The following MLLT1 variants were observed in gnomAD, a reference collection of about 807,000 sequenced individuals.
The protein encoded by MLLT1 is protein ENL.
A neutral mutation model predicts 55.1 loss-of-function variants in MLLT1; 11 were observed. The ratio of observed to expected loss-of-function variants is 0.20; its 90% CI spans 0.13 to 0.33. The LOEUF is 0.33. MLLT1 is among the 10% of genes least tolerant of loss of function. MLLT1 has a pLI of 1.00. For synonymous variants in MLLT1, 323 were observed against 320.1 expected, an observed-to-expected ratio of 1.01 and a Z score of -0.10; for missense variants, 536 against 760.6, an observed-to-expected ratio of 0.70 and a Z score of 3.47.
chr19:6,276,276 C>T (rs1011951374), intron 1 of MLLT1, among the ~76,000 whole-genome samples: 3 of 152,102 alleles, frequency 2.0e-5, no homozygotes, highest in Admixed American at 6.5e-5. Flanking sequence ...CTGGGTAATT[C>T]GGAGCTTTTC....
Position 6,230,500 on chromosome 19 carries a change from G to A in MLLT1, c.420+70C>T. 1 of 1,581,208 alleles carries A rather than the reference G, an allele frequency of 6.3e-7. No homozygotes were observed. The highest frequency in any genetic ancestry group is 1.7e-5 in the Admixed American group (1 of 57,476). On this transcript the variant is annotated intron_variant, in intron 4 of 11. Coordinates refer to ENST00000252674, the MANE Select transcript of MLLT1 (RefSeq NM_005934.4). This position sits in a 1 kb window ranked among gnomAD's most constrained non-coding sequence, Gnocchi z 9.0. ...CCCCAGCACCGACACCTCTGGCTGG[G>A]CACAGACGGCCGCAGCAAAGTAGCC...
rs139770948 is a variant in MLLT1 at position 6,211,467 on chromosome 19, C to A, written c.*1575G>T. On this transcript the variant is annotated 3_prime_UTR_variant, in exon 12 of 12. Coordinates refer to ENST00000252674, the MANE Select transcript of MLLT1 (RefSeq NM_005934.4). This position sits in a 1 kb window ranked among gnomAD's most constrained non-coding sequence, Gnocchi z 4.6. ...GTCCCCACCAAGGAGTGTTCAGGAT[C>A]TGCTGACAGAATCAGAGCAGGGACA... is the stretch of plus-strand genomic sequence containing the variant. The A allele has an allele frequency of 2.5e-6, 1 of 398,838 alleles. No homozygotes were observed. The highest frequency in any genetic ancestry group is 2.1e-5 in the African/African-American group (1 of 48,334). 24.7% of individuals were successfully genotyped at this position (398,838 alleles called of 1,614,324 possible).
intron 3 of MLLT1, among the ~76,000 whole-genome samples, chr19:6,257,637 C>T (rs568132784): frequency 2.4e-4 from 37 of 152,096 alleles, no homozygotes; most frequent in African/African-American, 8.2e-4. Context: ...CCCATCAGTA[C>T]TAAAAATACA....
chr19:6,272,019 C>T (rs1477530913), intron 1 of MLLT1, among the ~76,000 whole-genome samples: 1 of 152,256 alleles, frequency 6.6e-6, no homozygotes, highest in African/African-American at 2.4e-5. Context: ...CCCTCTCCGT[C>T]CCCCTCTGAG....
At chr19:6,278,348 G>A (rs947287112) in intron 1 of MLLT1, among the ~76,000 whole-genome samples, 2 of 152,172 alleles carry the variant, frequency 1.3e-5, no homozygotes, top group African/African-American at 4.8e-5. Flanking sequence ...TGGGTAAAGG[G>A]GGTGCCAGGG....
At chr19:6,259,822 A>G (rs1172359357) in intron 3 of MLLT1, 1 of 150,240 alleles carries the variant, frequency 6.7e-6, no homozygotes, top group African/African-American at 2.5e-5. Flanking sequence ...AAAAAAAAAC[A>G]GAAAAACTGG....
Position 6,279,869 on chromosome 19 carries a change from C to A in MLLT1, c.-85G>T. On this transcript the variant is annotated 5_prime_UTR_variant, in exon 1 of 12. The change creates a new upstream start codon in the 5' untranslated region. Coordinates refer to ENST00000252674, the MANE Select transcript of MLLT1 (RefSeq NM_005934.4). The stretch of plus-strand genomic sequence containing the variant: ...CGCCGCTCAACGCCGCCCCGCCGCC[C>A]TCATTGTCTGTCAAGCGCCGCCGCC... 6.1e-6 allele frequency: 1 copy of A among 163,868 alleles called. No homozygotes were observed. The highest frequency in any genetic ancestry group is 1.2e-5 in the Non-Finnish European group (1 of 80,204). The allele number at this position is 163,868 out of a possible 1,614,324, so 10.2% of individuals were successfully genotyped here. A position where few individuals can be genotyped will look rare whatever the true frequency, so the allele number is the denominator to read the frequency against.
chr19:6,222,526 C>G lies in MLLT1; in HGVS notation c.705G>C (p.Glu235Asp), dbSNP rs551627347. 51 of 1,600,184 alleles carry G rather than the reference C, an allele frequency of 3.2e-5. No homozygotes were observed. Among genetic ancestry groups the G allele is most frequent in the Non-Finnish European group, 4.3e-5 (51 of 1,179,634 alleles). ...CCTTCTCCTCCTTGGGCAGCCGGCC[C>G]TCGCCCAGCTTCCGCGAGGTGTCCT... ...SSKDTSRKLG[E>D]GRLPKEEKAP... Residue 235 changes from glutamate to aspartate, a missense_variant, in exon 6 of 12, where the codon GAG becomes GAC. Physicochemically the swap from Glu to Asp is conservative, Grantham distance 45. Transcript: ENST00000252674. This position sits in a 1 kb window ranked among gnomAD's most constrained non-coding sequence, Gnocchi z 4.1.
chr19:6,224,879 G>A (rs1300624562), intron 5 of MLLT1, among the ~76,000 whole-genome samples: 1 of 152,156 alleles, frequency 6.6e-6, no homozygotes, highest in Admixed American at 6.5e-5. Flanking sequence ...ACAGGCGCCC[G>A]CCACCACGCC....
intron 4 of MLLT1, among the ~76,000 whole-genome samples, chr19:6,228,178 C>A (rs2090972364): frequency 1.3e-5 from 2 of 152,298 alleles, no homozygotes; most frequent in East Asian, 1.9e-4. Context: ...CCACGGGAGG[C>A]CCTCCACACT....
In MLLT1 at chr19:6,256,792, C is replaced by T. The variant is rs944964749; in HGVS notation, c.276+5436G>A. The stretch of plus-strand genomic sequence containing the variant: ...ATAAAATAAAAATAACCTTCCTATA[C>T]AACTACAGTCATCAAAACAGTATGG... On this transcript the variant is annotated intron_variant, in intron 3 of 11. Transcript: ENST00000252674. This position sits in a 1 kb window ranked among gnomAD's most constrained non-coding sequence, Gnocchi z 4.1. Among the ~76,000 whole-genome samples the T allele has an allele frequency of 6.6e-6, 1 of 152,134 alleles. No individual in the cohort carries two copies. Among genetic ancestry groups the T allele is most frequent in the African/African-American group, 2.4e-5 (1 of 41,430 alleles).
At position 6,270,045 on chromosome 19, in the gene MLLT1, T is replaced by C. The variant is rs2091382504; in HGVS notation, c.193+534A>G. ...ACTTCCTGCCTGTGCCCCGTCACAC[T>C]GCACCCTCCAGGAAGGCCAGGGCCC... On this transcript the variant is annotated intron_variant, in intron 2 of 11. Coordinates refer to ENST00000252674, the MANE Select transcript of MLLT1 (RefSeq NM_005934.4). The surrounding 1 kb of genome is among the most constrained non-coding windows in gnomAD (Gnocchi z 7.1). Among the ~76,000 whole-genome samples, 2 of 152,092 alleles carry C rather than the reference T, an allele frequency of 1.3e-5. No homozygotes were observed. The highest frequency in any genetic ancestry group is 4.8e-5 in the African/African-American group (2 of 41,400).
At position 6,265,430 on chromosome 19, in the gene MLLT1, G is replaced by A. The variant is rs549562151; in HGVS notation, c.194-3120C>T. ...TCCCGCCTGTAATCCCAGTACTTTG[G>A]GAGGCTGAGGAAGGCGAATCACCTG... is the stretch of plus-strand genomic sequence containing the variant. On this transcript the variant is annotated intron_variant, in intron 2 of 11. Transcript: ENST00000252674. Among the ~76,000 whole-genome samples the A allele has an allele frequency of 1.6e-4, 25 of 152,286 alleles. No individual in the cohort carries two copies. The South Asian group carries it at 3.3e-3, about 20-fold the overall frequency.
chr19:6,264,399 G>A (rs145849330), intron 2 of MLLT1, among the ~76,000 whole-genome samples: 2,668 of 152,148 alleles, frequency 0.018, 37 homozygotes, highest in Middle Eastern at 0.051. Context: ...CAGGAGGCCC[G>A]TGAGCCTTCA....
chr19:6,264,860 C>T (rs112882176), intron 2 of MLLT1, among the ~76,000 whole-genome samples: 365 of 145,274 alleles, frequency 2.5e-3, no homozygotes, highest in African/African-American at 8.9e-3. Flanking sequence ...GTGCCACTGC[C>T]CTCCAGCCTA....
At chr19:6,250,699 G>A (rs1212613622) in intron 3 of MLLT1, among the ~76,000 whole-genome samples, 1 of 152,058 alleles carries the variant, frequency 6.6e-6, no homozygotes, top group Non-Finnish European at 1.5e-5. Context: ...GTTTGTGGTT[G>A]GTTGAATTCA....
intron 2 of MLLT1, among the ~76,000 whole-genome samples, chr19:6,269,858 G>A (rs754906115): frequency 4.6e-5 from 7 of 152,138 alleles, no homozygotes; most frequent in Non-Finnish European, 8.8e-5. Context: ...GTGATGTGCC[G>A]GGCTCCGGGC....
chr19:6,224,792 C>T (rs1334857836), intron 5 of MLLT1, among the ~76,000 whole-genome samples: 3 of 152,160 alleles, frequency 2.0e-5, no homozygotes, highest in Non-Finnish European at 4.4e-5. Flanking sequence ...TGCAGTGGTG[C>T]GATCTCGGCT....
chr19:6,241,347 C>T (rs1167242790), intron 3 of MLLT1, among the ~76,000 whole-genome samples: 2 of 152,238 alleles, frequency 1.3e-5, no homozygotes, highest in East Asian at 3.8e-4. Flanking sequence ...CTAGCACCCC[C>T]GCTGGACAGC....
Sources: gnomAD v4.1 joint callset for allele counts (sites outside exome capture counted in the v4.1 genomes callset) on GRCh38, gnomAD v4.1.1 for gene constraint, Gnocchi (gnomAD v3.1) non-coding constraint, MANE v1.5 for transcripts, NCBI Gene and HGNC (gene_info 2026-07-23, HGNC 2026-07-21) for gene names.